KDM4C: variants seen among roughly 807,000 people sequenced by gnomAD.
The protein encoded by KDM4C is lysine demethylase 4C.
In KDM4C, 81 loss-of-function variants were observed where a neutral mutation model predicts 129.3. That is an observed-to-expected ratio of 0.63 (90% CI 0.52 to 0.75). KDM4C has a LOEUF of 0.75. KDM4C is among the 30% of genes least tolerant of loss of function. KDM4C has a pLI of 0.00. For missense variants in KDM4C, 1,457 were observed against 1,304.0 expected, an observed-to-expected ratio of 1.12 and a Z score of -1.81; for synonymous variants, 573 against 456.1, an observed-to-expected ratio of 1.26 and a Z score of -3.26.
At chr9:6,790,328 TC>T (rs1318654894) in intron 1 of KDM4C, among the ~76,000 whole-genome samples, 1 of 151,544 alleles carries the variant, frequency 6.6e-6, no homozygotes, top group Non-Finnish European at 1.5e-5. Context: ...CACTGCAAGC[TC>T]CGCCTCCTGG....
At chr9:6,964,939 G>A (rs989659901) in intron 8 of KDM4C, among the ~76,000 whole-genome samples, 7 of 152,186 alleles carry the variant, frequency 4.6e-5, no homozygotes, top group African/African-American at 1.4e-4. Flanking sequence ...GGGCTACAGA[G>A]TGAGACTTCG....
intron 1 of KDM4C, among the ~76,000 whole-genome samples, chr9:6,769,049 A>C (rs1821224184): frequency 6.6e-6 from 1 of 152,162 alleles, no homozygotes; most frequent in South Asian, 2.1e-4. Flanking sequence ...CTGGGATTAC[A>C]AGCGTGAGCC....
intron 8 of KDM4C, 43 bp from the exon 9 acceptor site, chr9:6,980,882 G>C (rs1333116083): frequency 1.9e-6 from 3 of 1,567,514 alleles, no homozygotes; most frequent in South Asian, 2.2e-5. Flanking sequence ...TTACTGTATA[G>C]TTAGCGAAAC....
chr9:6,760,283 G>A (rs1819148030), intron 1 of KDM4C, among the ~76,000 whole-genome samples: 2 of 151,948 alleles, frequency 1.3e-5, no homozygotes, highest in South Asian at 4.1e-4. Context: ...GCCTGTATCA[G>A]TACTTCATTC....
At position 6,939,978 on chromosome 9, in the gene KDM4C, C is replaced by A. The variant is rs572466886; in HGVS notation, c.922-40947C>A. ...ATAACCAACCTACCTACCTACCTAC[C>A]TTCCTTCCTTCCTTCCTTCCTTCCT... is the stretch of plus-strand genomic sequence containing the variant. On this transcript the variant is annotated intron_variant, in intron 8 of 21. Coordinates refer to ENST00000381309, the MANE Select transcript of KDM4C (RefSeq NM_015061.6). Among the ~76,000 whole-genome samples, 15 of 79,366 alleles carry A rather than the reference C, an allele frequency of 1.9e-4. 1 individual carries two copies. The highest frequency in any genetic ancestry group is 7.1e-4 in the African/African-American group (14 of 19,798). The allele number at this position is 79,366 out of a possible 152,430, so 52.1% of individuals were successfully genotyped here. A position where few individuals can be genotyped will look rare whatever the true frequency, so the allele number is the denominator to read the frequency against.
intron 5 of KDM4C, among the ~76,000 whole-genome samples, chr9:6,855,533 G>C (rs980456790): frequency 4.0e-5 from 6 of 151,202 alleles, no homozygotes; most frequent in Non-Finnish European, 8.8e-5. Context: ...TTGTAGTTGG[G>C]ATAAACCAGA....
intron 5 of KDM4C, among the ~76,000 whole-genome samples, chr9:6,871,502 C>T (rs111760170): frequency 4.0e-4 from 61 of 152,252 alleles, no homozygotes; most frequent in African/African-American, 1.4e-3. Flanking sequence ...TCATTAGTGA[C>T]TCAGTTTTTT....
At chr9:7,102,652 C>T (rs1205321038) in intron 17 of KDM4C, among the ~76,000 whole-genome samples, 1 of 152,134 alleles carries the variant, frequency 6.6e-6, no homozygotes, top group Admixed American at 6.5e-5. Flanking sequence ...CACATTGATT[C>T]TTGCACGTCT....
rs1818585790 is a variant in KDM4C at position 6,758,030 on chromosome 9, G to A, written c.-191G>A. 3 of 985,446 alleles carry A rather than the reference G, an allele frequency of 3.0e-6. No homozygotes were observed. The highest frequency in any genetic ancestry group is 2.4e-6 in the Non-Finnish European group (2 of 829,950). 61.0% of individuals were successfully genotyped at this position (985,446 alleles called of 1,614,324 possible). ...CTCCCACCCACCCCCTCGACGGGAG[G>A]GTGAGGCGCGGCGCAGTGATCGGGC... On this transcript the variant is annotated 5_prime_UTR_variant, in exon 1 of 22. Transcript: ENST00000381309. The surrounding 1 kb of genome is among the most constrained non-coding windows in gnomAD (Gnocchi z 4.6).
In KDM4C at chr9:6,849,346, T is replaced by G. The variant is rs189142731; in HGVS notation, c.436-161T>G. On this transcript the variant is annotated intron_variant, in intron 4 of 21. Transcript: ENST00000381309. ...TCTTTGACCAATAATAATGGACATA[T>G]GTATGTGGCTCTTGAATAAGAGTTG... Among the ~76,000 whole-genome samples the G allele has an allele frequency of 4.7e-4, 71 of 152,368 alleles. 2 individuals carry two copies. The highest frequency in any genetic ancestry group is 4.2e-3 in the Admixed American group (64 of 15,302).
chr9:6,874,031 G>A (rs1391618939), intron 5 of KDM4C, among the ~76,000 whole-genome samples: 4 of 152,002 alleles, frequency 2.6e-5, no homozygotes, highest in Admixed American at 6.6e-5. Flanking sequence ...ACGCTCTTAT[G>A]TGGGCATGGT....
At chr9:6,786,214 G>C (rs1008258944) in intron 1 of KDM4C, among the ~76,000 whole-genome samples, 7 of 152,182 alleles carry the variant, frequency 4.6e-5, no homozygotes, top group African/African-American at 1.7e-4. Flanking sequence ...GAAAGCATCA[G>C]ACTTGGTTTC....
intron 2 of KDM4C, among the ~76,000 whole-genome samples, chr9:6,802,198 A>C (rs1829125456): frequency 6.6e-6 from 1 of 152,166 alleles, no homozygotes; most frequent in Non-Finnish European, 1.5e-5. Flanking sequence ...TAAAATTCAC[A>C]CTTGAGTACC....
intron 19 of KDM4C, among the ~76,000 whole-genome samples, chr9:7,134,852 T>G (rs1016670538): frequency 2.4e-4 from 37 of 152,222 alleles, no homozygotes; most frequent in African/African-American, 7.2e-4. Context: ...GGGCTCCTAA[T>G]TAAGGTCAGG....
At chr9:7,088,117 G>C (rs1018687909) in intron 17 of KDM4C, among the ~76,000 whole-genome samples, 1 of 152,140 alleles carries the variant, frequency 6.6e-6, no homozygotes, top group Non-Finnish European at 1.5e-5. Flanking sequence ...TCGTGATTTT[G>C]GTGCAACCAA....
chr9:6,991,951 T>C (rs1204992306), intron 12 of KDM4C, among the ~76,000 whole-genome samples: 2 of 152,188 alleles, frequency 1.3e-5, no homozygotes, highest in African/African-American at 4.8e-5. Context: ...TGAATTCTGA[T>C]TCAAGTAATA....
chr9:6,904,785 C>T (rs973336532), intron 8 of KDM4C, among the ~76,000 whole-genome samples: 10 of 152,034 alleles, frequency 6.6e-5, no homozygotes, highest in Non-Finnish European at 1.2e-4. Context: ...TCTCTGGCAT[C>T]ATAAAGGAGT....
chr9:6,882,446 G>C (rs1431898918), intron 6 of KDM4C, among the ~76,000 whole-genome samples: 1 of 152,134 alleles, frequency 6.6e-6, no homozygotes, highest in Non-Finnish European at 1.5e-5. Flanking sequence ...TTTGTGAAAA[G>C]TAGTATTTCA....
intron 8 of KDM4C, among the ~76,000 whole-genome samples, chr9:6,941,257 C>A (rs569785574): frequency 2.5e-4 from 38 of 152,262 alleles, no homozygotes; most frequent in African/African-American, 8.9e-4. Context: ...GATCTGCCGG[C>A]CTCAGCCTCC....
Sources: allele counts gnomAD v4.1 joint callset (sites outside exome capture counted in the v4.1 genomes callset), GRCh38; gene constraint gnomAD v4.1.1; non-coding constraint Gnocchi (gnomAD v3.1); transcripts MANE v1.5; gene names NCBI Gene and HGNC (gene_info 2026-07-23, HGNC 2026-07-21).